RAB3C: variants seen among roughly 807,000 people sequenced by gnomAD.
The protein encoded by RAB3C is RAB3C, member RAS oncogene family, also known as ras-related protein Rab-3C.
RAB3C carries 17 observed loss-of-function variants against 26.4 expected under a neutral mutation model. The observed-to-expected ratio is 0.64, with a 90% CI of 0.44 to 0.97. The LOEUF is 0.97. RAB3C is among the 50% of genes least tolerant of loss of function. The pLI, the probability that RAB3C is intolerant of heterozygous loss-of-function variation, is 0.00. For missense variants in RAB3C, 242 were observed against 281.9 expected (o/e 0.86, Z 1.01); for synonymous variants, 91 against 95.9 (o/e 0.95, Z 0.30).
chr5:58,848,309 A>G (rs1289564789), intron 4 of RAB3C: 1 of 152,202 alleles, frequency 6.6e-6, no homozygotes, highest in Non-Finnish European at 1.5e-5. Flanking sequence ...GCAGTGTTAA[A>G]TCTAGTTAAT....
At chr5:58,663,997 A>C (rs945610782) in intron 2 of RAB3C, among the ~76,000 whole-genome samples, 2 of 152,128 alleles carry the variant, frequency 1.3e-5, no homozygotes, top group Non-Finnish European at 2.9e-5. Flanking sequence ...AATGCATGAC[A>C]TTTCATTCTA....
At chr5:58,651,055 G>A (rs1039710163) in intron 2 of RAB3C, among the ~76,000 whole-genome samples, 2 of 152,212 alleles carry the variant, frequency 1.3e-5, no homozygotes, top group Non-Finnish European at 2.9e-5. Flanking sequence ...AGCCTGTAAT[G>A]TGTCACTGAC....
At chr5:58,629,025 T>C (rs1747127683) in intron 2 of RAB3C, among the ~76,000 whole-genome samples, 1 of 73,890 alleles carries the variant, frequency 1.4e-5, no homozygotes, top group Non-Finnish European at 2.3e-5. Context: ...ACCTCACTTC[T>C]GGAAAAAAAA....
intron 2 of RAB3C, among the ~76,000 whole-genome samples, chr5:58,711,500 G>C (rs62366579): frequency 7.2e-5 from 11 of 152,144 alleles, no homozygotes; most frequent in Non-Finnish European, 1.5e-5. Context: ...GAGTCTTAGA[G>C]CCAGGGTAGG....
intron 2 of RAB3C, among the ~76,000 whole-genome samples, chr5:58,685,944 G>A (rs988181402): frequency 3.3e-5 from 5 of 152,064 alleles, no homozygotes; most frequent in African/African-American, 1.2e-4. Flanking sequence ...TGTGAGCTAT[G>A]CTAGAAAGGT....
chr5:58,689,232 C>T (rs955013773), intron 2 of RAB3C: 3 of 152,018 alleles, frequency 2.0e-5, no homozygotes, highest in Non-Finnish European at 2.9e-5. Flanking sequence ...ACCTCTTATG[C>T]GAAGATAATA....
Position 58,645,989 on chromosome 5 carries a change from G to A in RAB3C, c.252+28119G>A, listed in dbSNP as rs138422321. Among the ~76,000 whole-genome samples the A allele has an allele frequency of 1.6e-4, 24 of 152,342 alleles. 2 individuals are homozygous for A. In the East Asian group the frequency reaches 4.6e-3, roughly 29 times the overall value. On this transcript the variant is annotated intron_variant, in intron 2 of 4. Coordinates refer to ENST00000282878, the MANE Select transcript of RAB3C (RefSeq NM_138453.4). ...TGTTGCCTATTAGGATTTGGACAGG[G>A]CCATAAGTGGGCTCTGGAGTGTGCG... is the stretch of plus-strand genomic sequence containing the variant.
chr5:58,594,766 A>G (rs187152656), intron 1 of RAB3C, among the ~76,000 whole-genome samples: 35 of 151,292 alleles, frequency 2.3e-4, no homozygotes, highest in African/African-American at 7.0e-4. Flanking sequence ...TAATGTTTTG[A>G]TATTTTTTAA....
intron 3 of RAB3C, among the ~76,000 whole-genome samples, chr5:58,778,946 T>C (rs1742209491): frequency 1.3e-5 from 2 of 152,170 alleles, no homozygotes; most frequent in African/African-American, 2.4e-5. Flanking sequence ...AATAGCGTCA[T>C]TCTCCAAGTG....
intron 3 of RAB3C, among the ~76,000 whole-genome samples, chr5:58,801,580 T>C (rs533388915): frequency 5.4e-4 from 83 of 152,370 alleles, no homozygotes; most frequent in African/African-American, 2.0e-3. Context: ...CCCGTACCCA[T>C]GGTTATGGAT....
At chr5:58,738,443 A>T (rs1480255401) in intron 3 of RAB3C, among the ~76,000 whole-genome samples, 2 of 152,162 alleles carry the variant, frequency 1.3e-5, no homozygotes, top group African/African-American at 4.8e-5. Context: ...GTAACTCAGG[A>T]AATAGCAAAT....
chr5:58,788,675 G>A (rs1034853129), intron 3 of RAB3C, among the ~76,000 whole-genome samples: 1 of 152,168 alleles, frequency 6.6e-6, no homozygotes, highest in African/African-American at 2.4e-5. Flanking sequence ...GTGGGTGGGA[G>A]AGAAAGGAGG....
rs1454127050 is a variant in RAB3C, at chr5:58,660,403, C to T, written c.252+42533C>T. Among the ~76,000 whole-genome samples the T allele has an allele frequency of 2.7e-5, 4 of 150,078 alleles. No individual in the cohort carries two copies. In the East Asian group the frequency reaches 7.7e-4, roughly 29 times the overall value. ...TATTTATTCTTCTTCCCATTCACTC[C>T]CACCCCAAGCCATGCAGAAACAACA... On this transcript the variant is annotated intron_variant, in intron 2 of 4. Transcript: ENST00000282878.
chr5:58,842,349 C>G (rs1350402626), intron 4 of RAB3C, among the ~76,000 whole-genome samples: 1 of 152,134 alleles, frequency 6.6e-6, no homozygotes, highest in Non-Finnish European at 1.5e-5. Context: ...ATCTCATGGA[C>G]TTTGTGGCAC....
At chr5:58,696,930 T>G (rs985509100) in intron 2 of RAB3C, among the ~76,000 whole-genome samples, 28 of 152,254 alleles carry the variant, frequency 1.8e-4, no homozygotes, top group African/African-American at 6.8e-4. Flanking sequence ...CTTTCAGTTC[T>G]GCTCTGATCT....
At chr5:58,793,910 A>G (rs995781749) in intron 3 of RAB3C, among the ~76,000 whole-genome samples, 2 of 152,132 alleles carry the variant, frequency 1.3e-5, no homozygotes, top group Non-Finnish European at 2.9e-5. Context: ...TTTATTGTCT[A>G]TCTTCTTATT....
intron 4 of RAB3C, among the ~76,000 whole-genome samples, chr5:58,831,362 A>C (rs778035974): frequency 6.6e-6 from 1 of 152,254 alleles, no homozygotes; most frequent in Non-Finnish European, 1.5e-5. Flanking sequence ...AATTATCCTA[A>C]ATCAACCATA....
intron 3 of RAB3C, among the ~76,000 whole-genome samples, chr5:58,731,727 G>A (rs1052686096): frequency 6.6e-6 from 1 of 152,174 alleles, no homozygotes; most frequent in African/African-American, 2.4e-5. Context: ...CTATCTGGTA[G>A]AAGGAAGGAA....
chr5:58,629,669 C>T (rs1747150403), intron 2 of RAB3C, among the ~76,000 whole-genome samples: 1 of 152,052 alleles, frequency 6.6e-6, no homozygotes, highest in African/African-American at 2.4e-5. Flanking sequence ...TATGTATGCC[C>T]TGGTTGCAGG....
Sources: allele counts gnomAD v4.1 joint callset (sites outside exome capture counted in the v4.1 genomes callset), GRCh38; gene constraint gnomAD v4.1.1; transcripts MANE v1.5; gene names NCBI Gene and HGNC (gene_info 2026-07-23, HGNC 2026-07-21).